The following PCBP3 variants were observed in gnomAD, a reference collection of about 807,000 sequenced individuals.
PCBP3 encodes poly(rC) binding protein 3, also known as poly(rC)-binding protein 3.
PCBP3 carries 25 observed loss-of-function variants against 52.7 expected under a neutral mutation model. That is an observed-to-expected ratio of 0.47 (90% confidence interval 0.35 to 0.66). PCBP3 has a LOEUF of 0.66. Among genes scored for constraint, PCBP3 ranks in the 30% least tolerant of loss-of-function variants. PCBP3 has a pLI of 0.01. For missense variants in PCBP3, 391 were observed against 490.3 expected, an observed-to-expected ratio of 0.80 and a Z score of 1.91; for synonymous variants, 162 against 183.0, an observed-to-expected ratio of 0.89 and a Z score of 0.93.
intron 2 of PCBP3, among the ~76,000 whole-genome samples, chr21:45,694,677 A>G (rs2082666715): frequency 6.6e-6 from 1 of 152,216 alleles, no homozygotes; most frequent in South Asian, 2.1e-4. Context: ...AGGTTGCTGG[A>G]TAGAAGGTGA....
At chr21:45,845,567 C>T (rs982122024) in intron 4 of PCBP3, among the ~76,000 whole-genome samples, 5 of 151,610 alleles carry the variant, frequency 3.3e-5, no homozygotes, top group African/African-American at 7.3e-5. Context: ...TGCTTAAGCA[C>T]CCGTGTGCAC....
intron 12 of PCBP3, 181 bp downstream of exon 12, chr21:45,914,206 G>A (rs924652374): frequency 3.0e-6 from 3 of 1,007,402 alleles, no homozygotes; most frequent in East Asian, 2.9e-5. Context: ...GGCCTTCAGA[G>A]CGGCATTCCC....
intron 4 of PCBP3, among the ~76,000 whole-genome samples, chr21:45,787,072 C>T (rs1318212616): frequency 1.3e-5 from 2 of 152,196 alleles, no homozygotes; most frequent in African/African-American, 4.8e-5. Context: ...ATAGTGCCTG[C>T]TTTTTAATCT....
chr21:45,787,778 G>C (rs960810912), intron 4 of PCBP3, among the ~76,000 whole-genome samples: 3 of 152,222 alleles, frequency 2.0e-5, no homozygotes, highest in East Asian at 3.8e-4. Context: ...GTTGGGGTCT[G>C]TAGCATGCCA....
intron 9 of PCBP3, 112 bp downstream of exon 9, chr21:45,901,225 A>C: frequency 1.3e-6 from 1 of 760,058 alleles, no homozygotes; most frequent in Non-Finnish European, 2.3e-6. Flanking sequence ...CAGCCCGCCC[A>C]GGCAACCCCA....
intron 1 of PCBP3, among the ~76,000 whole-genome samples, chr21:45,659,677 T>C (rs554177324): frequency 6.6e-6 from 1 of 152,308 alleles, no homozygotes; most frequent in East Asian, 1.9e-4. Context: ...CAAAGTATTT[T>C]CTAATTTCCC....
chr21:45,686,698 A>C (rs1569116424), intron 2 of PCBP3, among the ~76,000 whole-genome samples: 1 of 152,220 alleles, frequency 6.6e-6, no homozygotes, highest in Non-Finnish European at 1.5e-5. Context: ...GTATAAGATA[A>C]ATAGAAGATA....
At chr21:45,932,232 C>T (rs2076313414) in intron 15 of PCBP3, among the ~76,000 whole-genome samples, 1 of 151,558 alleles carries the variant, frequency 6.6e-6, no homozygotes, top group African/African-American at 2.4e-5. Context: ...GATGAACGAA[C>T]ACCTGGGCCT....
Position 45,684,816 on chromosome 21 carries a change from T to C in PCBP3, c.-200+15864T>C, listed in dbSNP as rs17004791. Among the ~76,000 whole-genome samples, 870 of 152,320 alleles carry C rather than the reference T, an allele frequency of 5.7e-3. 7 individuals are homozygous for C. The highest frequency in any genetic ancestry group is 0.02 in the African/African-American group (813 of 41,572). On this transcript the variant is annotated intron_variant, in intron 2 of 17. Transcript: ENST00000681687. ...AGCAACGCAAAACAGACTAACACAGTGCTCATAAAATGTCTGTTAAACCAG... is the reference window on the plus strand; with the variant it reads ...AGCAACGCAAAACAGACTAACACAGCGCTCATAAAATGTCTGTTAAACCAG...
At chr21:45,894,669 C>A (rs2095777992) in intron 5 of PCBP3, among the ~76,000 whole-genome samples, 2 of 152,206 alleles carry the variant, frequency 1.3e-5, no homozygotes, top group Admixed American at 1.3e-4. Context: ...CTGTGCTTTT[C>A]CCCCAGTAGC....
chr21:45,852,359 CTTTTG>C (rs2094050691), intron 5 of PCBP3, among the ~76,000 whole-genome samples: 1 of 128,524 alleles, frequency 7.8e-6, no homozygotes, highest in Non-Finnish European at 1.6e-5. Context: ...GCCACCCTGA[CTTTTG>C]TTCAGAAGGA....
rs2094496625 is a variant in PCBP3, at chr21:45,861,143, C to T, written c.10+11048C>T. ...AGCGCTGTGGCTTGGTGTGCAGCCG[C>T]CTCCATGCCTTCTCACCTCTGCCAG... is the stretch of plus-strand genomic sequence containing the variant. On this transcript the variant is annotated intron_variant, in intron 5 of 17. Coordinates refer to ENST00000681687, the MANE Select transcript of PCBP3 (RefSeq NM_001384156.1). 2.0e-5 allele frequency among the ~76,000 whole-genome samples: 3 copies of T among 152,324 alleles called. No individual in the cohort carries two copies. In the South Asian group the frequency reaches 6.2e-4, roughly 32 times the overall value.
In PCBP3 at chr21:45,920,074, C is replaced by G. The variant is rs552953636; in HGVS notation, c.717+2445C>G. On this transcript the variant is annotated intron_variant, in intron 13 of 17. Transcript: ENST00000681687. ...GGGGGGGTCACTTGACTTTGCAAAG[C>G]TCTGGAACCCAAAGGAAAGGCAGTG... is the stretch of plus-strand genomic sequence containing the variant. Among the ~76,000 whole-genome samples, 9 of 152,192 alleles carry G rather than the reference C, an allele frequency of 5.9e-5. No homozygotes were observed. The South Asian group carries it at 8.3e-4, about 14-fold the overall frequency.
At chr21:45,888,553 G>A (rs1337977299) in intron 5 of PCBP3, among the ~76,000 whole-genome samples, 1 of 152,208 alleles carries the variant, frequency 6.6e-6, no homozygotes, top group Non-Finnish European at 1.5e-5. Context: ...CCCCACGGCA[G>A]ATGCCTGCTC....
intron 2 of PCBP3, among the ~76,000 whole-genome samples, chr21:45,684,361 A>G (rs1454675747): frequency 6.6e-6 from 1 of 152,198 alleles, no homozygotes; most frequent in East Asian, 1.9e-4. Flanking sequence ...TTAACTCATA[A>G]GAGAGATAGA....
intron 12 of PCBP3, chr21:45,915,029 G>A (rs532141137): frequency 6.6e-6 from 1 of 152,378 alleles, no homozygotes; most frequent in South Asian, 2.1e-4. Flanking sequence ...CAGGGAGTGT[G>A]TGTCCATCCC....
intron 4 of PCBP3, among the ~76,000 whole-genome samples, chr21:45,776,411 C>T (rs2090256369): frequency 6.6e-6 from 1 of 151,590 alleles, no homozygotes; most frequent in African/African-American, 2.4e-5. Context: ...TTGAAGTCCC[C>T]CACTGTTTTT....
Position 45,835,431 on chromosome 21 carries a change from G to A in PCBP3, c.-125-14530G>A, listed in dbSNP as rs138719775. ...CCGTAGCACCTTTAACACTGGCCCC[G>A]GGTCTCTACACCTCCCTGCCGGCCG... is the stretch of plus-strand genomic sequence containing the variant. On this transcript the variant is annotated intron_variant, in intron 4 of 17. Transcript: ENST00000681687. Among the ~76,000 whole-genome samples, 1,160 of 152,250 alleles carry A rather than the reference G, an allele frequency of 7.6e-3. 8 individuals carry two copies. The highest frequency in any genetic ancestry group is 0.031 in the Middle Eastern group (9 of 294).
chr21:45,897,282 C>T (rs954992639), intron 6 of PCBP3, among the ~76,000 whole-genome samples: 2 of 152,226 alleles, frequency 1.3e-5, no homozygotes, highest in African/African-American at 4.8e-5. Context: ...CCCTTCACAG[C>T]GGCCGCAAAG....
Sources: allele counts gnomAD v4.1 joint callset (sites outside exome capture counted in the v4.1 genomes callset), GRCh38; gene constraint gnomAD v4.1.1; transcripts MANE v1.5; gene names NCBI Gene and HGNC (gene_info 2026-07-23, HGNC 2026-07-21).